Variants in PHF8 observed in about 807,000 individuals in gnomAD.
The protein encoded by PHF8 is PHD finger protein 8, also known as histone lysine demethylase PHF8.
In PHF8, 9 loss-of-function variants were observed where a neutral mutation model predicts 74.4. The ratio of observed to expected loss-of-function variants is 0.12; its 90% CI spans 0.07 to 0.21. PHF8 has a LOEUF of 0.21. PHF8 is among the 10% of genes least tolerant of loss of function. The pLI, the probability that PHF8 is intolerant of heterozygous loss-of-function variation, is 1.00. For synonymous variants in PHF8, 311 were observed against 316.6 expected, an observed-to-expected ratio of 0.98 and a Z score of 0.19; for missense variants, 478 against 816.6, an observed-to-expected ratio of 0.59 and a Z score of 5.05.
chrX:54,017,059 C>T (rs2066082814), intron 5 of PHF8, among the ~76,000 whole-genome samples: 1 of 112,509 alleles, frequency 8.9e-6, no homozygotes, highest in African/African-American at 3.2e-5. Flanking sequence ...GTGAGAACAA[C>T]AGTCAAAAGC....
chrX:54,021,499 C>T (rs1188271030), intron 4 of PHF8, among the ~76,000 whole-genome samples: 4 of 75,229 alleles, frequency 5.3e-5, no homozygotes, highest in African/African-American at 2.2e-4. Context: ...GACGGAGTCT[C>T]GCTCTGTCGC....
At chrX:53,971,998 C>T (rs1366160719) in intron 18 of PHF8, among the ~76,000 whole-genome samples, 3 of 111,307 alleles carry the variant, frequency 2.7e-5, no homozygotes, top group African/African-American at 9.8e-5. Context: ...CAGCATCATC[C>T]TGATACCAAA....
chrX:54,045,942 T>TACCCAG (rs370934341), upstream of PHF8, among the ~76,000 whole-genome samples: 224 of 104,715 alleles, frequency 2.1e-3, no homozygotes, highest in East Asian at 2.7e-3. Flanking sequence ...GAGGATGGTT[T>TACCCAG]AGGGTTTTTT....
chrX:53,954,090 T>G (rs1259786659), intron 19 of PHF8, among the ~76,000 whole-genome samples: 1 of 111,260 alleles, frequency 9.0e-6, no homozygotes, highest in Non-Finnish European at 1.9e-5. Context: ...CAACAGAGGC[T>G]CAAAATAGAT....
chrX:54,026,296 G>A (rs922002244), intron 2 of PHF8, among the ~76,000 whole-genome samples: 2 of 104,015 alleles, frequency 1.9e-5, no homozygotes, highest in South Asian at 9.2e-4. Flanking sequence ...AGAGGTTGCA[G>A]TGAGCCGAGA....
chrX:54,009,038 T>A, intron 8 of PHF8, among the ~76,000 whole-genome samples: 1 of 110,296 alleles, frequency 9.1e-6, no homozygotes, highest in East Asian at 2.9e-4. Flanking sequence ...ATTAGCCGGG[T>A]GTGGTAGCAC....
At chrX:53,999,740 C>G in intron 11 of PHF8, 130 bp downstream of exon 11, 2 of 473,142 alleles carry the variant, frequency 4.2e-6, no homozygotes, top group Non-Finnish European at 7.6e-6. Context: ...AATCCTAGCC[C>G]ACACCTCCAC....
At chrX:54,046,372 C>G (rs782666850), upstream of PHF8, among the ~76,000 whole-genome samples, 1 of 110,309 alleles carries the variant, frequency 9.1e-6, no homozygotes, top group Admixed American at 9.7e-5. Context: ...ATCACAAGTT[C>G]AGGAGTTCGA....
At chrX:54,012,160 T>C (rs1430207140) in intron 7 of PHF8, among the ~76,000 whole-genome samples, 1 of 110,915 alleles carries the variant, frequency 9.0e-6, no homozygotes, top group Non-Finnish European at 1.9e-5. Context: ...ATTATTAAGA[T>C]ATAAAGAAAT....
intron 18 of PHF8, among the ~76,000 whole-genome samples, chrX:53,971,802 T>A: frequency 9.0e-6 from 1 of 111,421 alleles, no homozygotes; most frequent in East Asian, 2.8e-4. Context: ...AATCCCTGAA[T>A]AGACCAATAA....
intron 21 of PHF8, among the ~76,000 whole-genome samples, 154 bp from the exon 22 acceptor site, chrX:53,939,400 T>C (rs781835035): frequency 4.2e-4 from 47 of 111,475 alleles, no homozygotes; most frequent in Non-Finnish European, 8.3e-4. Context: ...CCTCCTTAAC[T>C]ACTTCCAACC....
At chrX:53,954,417 G>A (rs191652169) in intron 19 of PHF8, among the ~76,000 whole-genome samples, 1,952 of 99,118 alleles carry the variant, frequency 0.02, 18 homozygotes, top group Non-Finnish European at 0.028. Context: ...GGAGAATGAC[G>A]TGAACCCAGG....
chrX:53,968,852 T>G (rs781789209), intron 18 of PHF8, among the ~76,000 whole-genome samples: 11 of 111,664 alleles, frequency 9.9e-5, no homozygotes, highest in African/African-American at 3.2e-4. Flanking sequence ...GAGGTTGCAG[T>G]GAGCCAAGAT....
In PHF8 at chrX:53,993,723, T is replaced by G; in HGVS notation, c.1504A>C (p.Lys502Gln). 1.7e-6 allele frequency: 2 copies of G among 1,211,758 alleles called. No individual in the cohort carries two copies. Among genetic ancestry groups the G allele is most frequent in the Non-Finnish European group, 2.2e-6 (2 of 895,068 alleles). Residue 502 changes from lysine to glutamine, a missense_variant, in exon 13 of 22, where the codon AAG becomes CAG. By Grantham distance (53) the Lys-to-Gln change is moderately conservative. This residue lies in a region of PHF8 where 153 missense variants were observed against 164.8 expected (regional missense o/e 0.93). Transcript: ENST00000338154. ...KKGLKPKELF[K>Q]KAERKGKESS... ...TCCTTGCCCTTTCGCTCTGCCTTCT[T>G]GAAGAGTTCCTTGGGCTTCAGGCCT...
rs1410263908 is a variant in PHF8, at chrX:54,013,742, C to T, written c.783+635G>A. On this transcript the variant is annotated intron_variant, in intron 7 of 21. Coordinates refer to ENST00000338154, the MANE Select transcript of PHF8 (RefSeq NM_015107.3). ...CTGAGGCAGAAGAATCGCCTGAACC[C>T]GGGAGGCAGAGGTTGCAGTGAGCTG... is the stretch of plus-strand genomic sequence containing the variant. 3.6e-5 allele frequency among the ~76,000 whole-genome samples: 4 copies of T among 109,839 alleles called. No homozygotes were observed. The South Asian group carries it at 1.6e-3, about 43-fold the overall frequency.
At chrX:53,962,335 T>A (rs1274836669) in intron 19 of PHF8, among the ~76,000 whole-genome samples, 1 of 112,017 alleles carries the variant, frequency 8.9e-6, no homozygotes. Context: ...GTGAATACTA[T>A]CCAGCCAAGG....
At chrX:54,022,222 C>T (rs1557110161) in intron 4 of PHF8, 37 bp downstream of exon 4, 1 of 828,328 alleles carries the variant, frequency 1.2e-6, no homozygotes, top group South Asian at 2.0e-5. Context: ...TCCCAGAGCC[C>T]TGGCATTCAC....
intron 19 of PHF8, among the ~76,000 whole-genome samples, chrX:53,960,520 C>T (rs1196901443): frequency 3.7e-5 from 4 of 108,145 alleles, no homozygotes; most frequent in Non-Finnish European, 3.8e-5. Context: ...GAGGCTGAAG[C>T]GGGCAGATCA....
chrX:54,014,385 C>A lies in PHF8; in HGVS notation c.775G>T (p.Val259Leu). ...DFGGTSVWYH[V>L]LKGEKIFYLI... ...GCCATGCGCATTCCTACCTTGAGTACATGGTACCAGACAGAGGTGCCACCA... is the reference window on the plus strand; with the variant it reads ...GCCATGCGCATTCCTACCTTGAGTAAATGGTACCAGACAGAGGTGCCACCA... Residue 259 changes from valine (V) to leucine (L), a missense_variant, in exon 7 of 22, where the codon GTA becomes TTA. Transcript: ENST00000338154. The A allele has an allele frequency of 8.3e-7, 1 of 1,206,964 alleles. No individual in the cohort carries two copies. The highest frequency in any genetic ancestry group is 1.1e-6 in the Non-Finnish European group (1 of 890,956).
Sources: allele counts gnomAD v4.1 joint callset (sites outside exome capture counted in the v4.1 genomes callset), GRCh38; gene constraint gnomAD v4.1.1; regional missense constraint gnomAD v4.1.1; transcripts MANE v1.5; gene names NCBI Gene and HGNC (gene_info 2026-07-23, HGNC 2026-07-21).